Variants in ZFHX3 observed in about 807,000 individuals in gnomAD.
ZFHX3 encodes the protein zinc finger homeobox 3, also known as zinc finger homeobox protein 3.
Under a neutral mutation model 279.1 loss-of-function variants are expected in ZFHX3, and 42 were observed. That is an observed-to-expected ratio of 0.15 (90% CI 0.12 to 0.19). The LOEUF (loss-of-function observed/expected upper bound fraction) is 0.19, where lower values mean the gene tolerates loss of function less well. Ranked by LOEUF, ZFHX3 falls within the 10% of genes least tolerant of loss-of-function variation. ZFHX3 has a pLI of 1.00. For synonymous variants in ZFHX3, 2,293 were observed against 1,957.8 expected (o/e 1.17, Z -4.52); for missense variants, 4,981 against 4,754.0 (o/e 1.05, Z -1.40).
intron 3 of ZFHX3, chr16:73,420,996 T>C (rs1194365726): frequency 6.6e-6 from 1 of 152,216 alleles, no homozygotes; most frequent in African/African-American, 2.4e-5. Flanking sequence ...CTCCATAACG[T>C]AGTATAAACA....
At chr16:73,558,342 C>T (rs1596997623) in intron 2 of ZFHX3, 1 of 152,158 alleles carries the variant, frequency 6.6e-6, no homozygotes, top group Non-Finnish European at 1.5e-5. Flanking sequence ...AACTTTGACT[C>T]GTAAACAGTT....
chr16:72,881,018 G>A (rs138840079), intron 4 of ZFHX3, among the ~76,000 whole-genome samples: 210 of 152,268 alleles, frequency 1.4e-3, no homozygotes, highest in Non-Finnish European at 2.4e-3. Context: ...CAGGCTGGCG[G>A]GAACCACACT....
intron 1 of ZFHX3, among the ~76,000 whole-genome samples, chr16:73,846,002 T>C (rs1961440533): frequency 1.3e-5 from 2 of 152,154 alleles, no homozygotes; most frequent in South Asian, 4.1e-4. Flanking sequence ...TCTTACCATA[T>C]TGCCCAGGCT....
chr16:73,544,643 A>T (rs1365999639), intron 2 of ZFHX3, among the ~76,000 whole-genome samples: 1 of 152,100 alleles, frequency 6.6e-6, no homozygotes, highest in Non-Finnish European at 1.5e-5. Context: ...AGCCAAGGGG[A>T]TGGGGATCTG....
intron 2 of ZFHX3, among the ~76,000 whole-genome samples, chr16:73,605,967 G>A (rs1214814597): frequency 5.9e-5 from 9 of 151,626 alleles, no homozygotes; most frequent in South Asian, 2.1e-4. Context: ...GGCGGATCAC[G>A]AGGTCAGGAG....
At chr16:73,569,839 T>C (rs1029749671) in intron 2 of ZFHX3, among the ~76,000 whole-genome samples, 6 of 152,188 alleles carry the variant, frequency 3.9e-5, no homozygotes, top group African/African-American at 1.4e-4. Context: ...AGGAACCCAC[T>C]GTCGCTTCTT....
At chr16:72,856,807 G>T (rs1371703408) in intron 4 of ZFHX3, among the ~76,000 whole-genome samples, 2 of 152,164 alleles carry the variant, frequency 1.3e-5, no homozygotes, top group African/African-American at 2.4e-5. Context: ...GGAACAGCCT[G>T]GGCCATCTCC....
At chr16:73,093,000 C>T (rs778645840) in intron 8 of ZFHX3, 1 of 520,026 alleles carries the variant, frequency 1.9e-6, no homozygotes, top group Non-Finnish European at 3.8e-6. Context: ...AATCCCTTCT[C>T]CTTTTTCTTC....
At chr16:73,070,803 C>G (rs1485601377) in intron 8 of ZFHX3, among the ~76,000 whole-genome samples, 1 of 151,798 alleles carries the variant, frequency 6.6e-6, no homozygotes, top group East Asian at 2.0e-4. Flanking sequence ...CTCTCCAGCG[C>G]CCGGTCCCCT....
intron 2 of ZFHX3, chr16:73,609,238 A>T (rs761437176): frequency 1.1e-4 from 17 of 152,224 alleles, no homozygotes; most frequent in Non-Finnish European, 1.9e-4. Flanking sequence ...TCATCGCTCC[A>T]TCATTTGATT....
At chr16:73,106,026 C>CATGCAAAACA (rs1334873069) in intron 7 of ZFHX3, among the ~76,000 whole-genome samples, 4 of 150,906 alleles carry the variant, frequency 2.7e-5, no homozygotes, top group Non-Finnish European at 4.4e-5. Context: ...TCCTCTCCGC[C>CATGCAAAACA]ATGCAAAACA....
chr16:73,886,218 G>A (rs142232911), intron 1 of ZFHX3, among the ~76,000 whole-genome samples: 207 of 151,966 alleles, frequency 1.4e-3, no homozygotes, highest in African/African-American at 4.7e-3. Context: ...AAAATAAAAT[G>A]CATTTCTAAA....
At chr16:73,251,718 CCACACA>C (rs200725935) in intron 5 of ZFHX3, among the ~76,000 whole-genome samples, 2 of 108,180 alleles carry the variant, frequency 1.8e-5, no homozygotes, top group South Asian at 6.1e-4. Context: ...CACATACACA[CCACACA>C]CGCACACACC....
intron 1 of ZFHX3, among the ~76,000 whole-genome samples, chr16:73,736,929 T>C (rs1199657280): frequency 2.0e-5 from 3 of 152,246 alleles, no homozygotes; most frequent in African/African-American, 7.2e-5. Context: ...TGCTGTCAGA[T>C]TCCCAAAGCA....
At chr16:73,127,116 C>T (rs1002614383) in intron 7 of ZFHX3, 5 of 297,988 alleles carry the variant, frequency 1.7e-5, no homozygotes, top group Admixed American at 4.7e-5. Context: ...ATGAATTAGC[C>T]TGAAGTAAAA....
At chr16:72,904,405 A>C (rs1297969932) in intron 3 of ZFHX3, among the ~76,000 whole-genome samples, 2 of 146,982 alleles carry the variant, frequency 1.4e-5, no homozygotes, top group African/African-American at 5.2e-5. Context: ...TAAATAAATA[A>C]ATAAATAAAT....
At chr16:72,981,606 G>A (rs973589098) in intron 1 of ZFHX3, among the ~76,000 whole-genome samples, 1 of 152,120 alleles carries the variant, frequency 6.6e-6, no homozygotes, top group African/African-American at 2.4e-5. Flanking sequence ...TCCCAATTGG[G>A]CTGGTTCTCT....
chr16:72,988,337 C>A (rs951583048), intron 1 of ZFHX3, among the ~76,000 whole-genome samples: 7 of 152,228 alleles, frequency 4.6e-5, no homozygotes, highest in Non-Finnish European at 1.0e-4. Flanking sequence ...CCCGCTCCCA[C>A]CTTTCCTGCA....
chr16:72,892,327 C>A (rs2038792416), intron 3 of ZFHX3, among the ~76,000 whole-genome samples: 1 of 152,040 alleles, frequency 6.6e-6, no homozygotes, highest in African/African-American at 2.4e-5. Flanking sequence ...CCTTCTGCCC[C>A]CAAAATGGGT....
Sources: gnomAD v4.1 joint callset for allele counts (sites outside exome capture counted in the v4.1 genomes callset) on GRCh38, gnomAD v4.1.1 for gene constraint, MANE v1.5 for transcripts, NCBI Gene and HGNC (gene_info 2026-07-23, HGNC 2026-07-21) for gene names.